ASAP1: variants seen among roughly 807,000 people sequenced by gnomAD.
ASAP1 encodes the protein arf-GAP with SH3 domain, ANK repeat and PH domain-containing protein 1.
ASAP1 carries 43 observed loss-of-function variants against 145.2 expected under a neutral mutation model. That is an observed-to-expected ratio of 0.30 (90% CI 0.23 to 0.38). The LOEUF (loss-of-function observed/expected upper bound fraction) is 0.38. Among genes scored for constraint, ASAP1 ranks in the 10% least tolerant of loss-of-function variants. The probability of loss-of-function intolerance (pLI) is 1.00; values close to 1 mark genes in which losing one functional copy is unlikely to be tolerated. For missense variants in ASAP1, 1,018 were observed against 1,355.3 expected (o/e 0.75, Z 3.91); for synonymous variants, 546 against 515.5 (o/e 1.06, Z -0.80).
At chr8:130,301,801 ATTG>A (rs1822686658) in intron 3 of ASAP1, among the ~76,000 whole-genome samples, 1 of 152,052 alleles carries the variant, frequency 6.6e-6, no homozygotes, top group Admixed American at 6.5e-5. Flanking sequence ...ATGCATATGC[ATTG>A]TTGTTGAGAG....
At chr8:130,089,020 T>TG (rs2097499953) in intron 25 of ASAP1, among the ~76,000 whole-genome samples, 1 of 152,214 alleles carries the variant, frequency 6.6e-6, no homozygotes, top group Non-Finnish European at 1.5e-5. Context: ...CACTTTGCTC[T>TG]GCTGAGAGAA....
At chr8:130,200,502 C>T (rs977829156) in intron 5 of ASAP1, among the ~76,000 whole-genome samples, 3 of 151,962 alleles carry the variant, frequency 2.0e-5, no homozygotes, top group Non-Finnish European at 2.9e-5. Context: ...AAAATGTTAT[C>T]GGTGGAAAAC....
chr8:130,357,927 C>T (rs1826435054), intron 3 of ASAP1, 90 bp downstream of exon 3: 4 of 1,486,172 alleles, frequency 2.7e-6, no homozygotes, highest in Non-Finnish European at 3.6e-6. Flanking sequence ...CCGGCCCCCG[C>T]GTCCCCTTCC....
chr8:130,160,687 G>T, intron 11 of ASAP1: 3 of 794,518 alleles, frequency 3.8e-6, no homozygotes, highest in South Asian at 1.7e-5. Context: ...TTACGAAAAT[G>T]TAAGAAATAA....
chr8:130,236,716 C>A (rs1032301857), intron 4 of ASAP1, among the ~76,000 whole-genome samples: 4 of 152,104 alleles, frequency 2.6e-5, no homozygotes, highest in Non-Finnish European at 5.9e-5. Context: ...TCCACTGTGA[C>A]TAATGCTTTT....
chr8:130,075,409 T>A (rs1473800835), intron 27 of ASAP1, among the ~76,000 whole-genome samples: 1 of 152,126 alleles, frequency 6.6e-6, no homozygotes, highest in Non-Finnish European at 1.5e-5. Context: ...AGTGGTGAAT[T>A]TCAGCTTCCC....
intron 2 of ASAP1, among the ~76,000 whole-genome samples, chr8:130,376,903 CAAAAA>C (rs34006260): frequency 8.5e-4 from 22 of 26,014 alleles, no homozygotes; most frequent in South Asian, 2.1e-3. Context: ...AACTCCATCT[CAAAAA>C]AAAAAAAAAA....
chr8:130,401,772 G>T, intron 2 of ASAP1, 113 bp downstream of exon 2: 2 of 967,310 alleles, frequency 2.1e-6, no homozygotes, highest in Admixed American at 2.0e-5. Flanking sequence ...CACAGTCTCT[G>T]TTAGATTCCA....
At chr8:130,253,401 G>C (rs1172469360) in intron 3 of ASAP1, among the ~76,000 whole-genome samples, 1 of 152,178 alleles carries the variant, frequency 6.6e-6, no homozygotes, top group African/African-American at 2.4e-5. Context: ...GCTAGAATTT[G>C]CAGATGCATA....
At position 130,261,980 on chromosome 8, in the gene ASAP1, C is replaced by T. The variant is rs182181283; in HGVS notation, c.187-24986G>A. Among the ~76,000 whole-genome samples, 6 of 152,076 alleles carry T rather than the reference C, an allele frequency of 3.9e-5. No individual in the cohort carries two copies. The East Asian group carries it at 1.2e-3, about 29-fold the overall frequency. ...GGTAAACAGGTATAAAACTTAACTG[C>T]TAGACAATATATAAATATATGGAGA... On this transcript the variant is annotated intron_variant, in intron 3 of 29. Transcript: ENST00000518721.
At chr8:130,333,303 A>C (rs1210680559) in intron 3 of ASAP1, among the ~76,000 whole-genome samples, 1 of 152,192 alleles carries the variant, frequency 6.6e-6, no homozygotes, top group Non-Finnish European at 1.5e-5. Flanking sequence ...TTATTTCTAT[A>C]GTAAAAAGGC....
intron 5 of ASAP1, among the ~76,000 whole-genome samples, chr8:130,201,612 G>A (rs1815875149): frequency 6.6e-6 from 1 of 152,170 alleles, no homozygotes; most frequent in Non-Finnish European, 1.5e-5. Flanking sequence ...ATATGGAAAG[G>A]GGAAGTAGCT....
chr8:130,360,974 C>T (rs1406314622), intron 2 of ASAP1: 1 of 152,978 alleles, frequency 6.5e-6, no homozygotes, highest in African/African-American at 2.4e-5. Context: ...CTCTGAGACT[C>T]AGTTACCCCA....
At chr8:130,371,917 T>G (rs1434033328) in intron 2 of ASAP1, among the ~76,000 whole-genome samples, 1 of 152,228 alleles carries the variant, frequency 6.6e-6, no homozygotes, top group Non-Finnish European at 1.5e-5. Flanking sequence ...ATGAAAATGC[T>G]GAACCAACTA....
chr8:130,068,878 G>A lies in ASAP1; in HGVS notation c.2701+7470C>T, dbSNP rs930098239. Among the ~76,000 whole-genome samples the A allele has an allele frequency of 2.6e-4, 39 of 152,314 alleles. 1 individual carries two copies. Among genetic ancestry groups the A allele is most frequent in the Admixed American group, 2.4e-3 (37 of 15,302 alleles). On this transcript the variant is annotated intron_variant, in intron 27 of 29. Transcript: ENST00000518721. ...AGTCATGGTAAATGTGTGGTTAAGA[G>A]GGCCCCTTCTACATGGGCACCCCAT...
intron 27 of ASAP1, among the ~76,000 whole-genome samples, chr8:130,063,979 G>A (rs902223996): frequency 1.3e-5 from 2 of 152,142 alleles, no homozygotes; most frequent in African/African-American, 4.8e-5. Context: ...TGGGGAGGAG[G>A]AGAGTGACCA....
Position 130,247,533 on chromosome 8 carries a change from A to C in ASAP1, c.187-10539T>G, listed in dbSNP as rs976846717. ...CAAAAGATGGAGGACCCTTAAAAAAAAACAACAACAAGGATTCAGTCATCA... is the reference window on the plus strand; with the variant it reads ...CAAAAGATGGAGGACCCTTAAAAAACAACAACAACAAGGATTCAGTCATCA... On this transcript the variant is annotated intron_variant, in intron 3 of 29. Coordinates refer to ENST00000518721, the MANE Select transcript of ASAP1 (RefSeq NM_018482.4). Among the ~76,000 whole-genome samples, 4 of 152,056 alleles carry C rather than the reference A, an allele frequency of 2.6e-5. 1 individual carries two copies. The highest frequency in any genetic ancestry group is 4.1e-4 in the South Asian group (2 of 4,820).
At chr8:130,424,509 C>G (rs72726219) in intron 1 of ASAP1, among the ~76,000 whole-genome samples, 12,922 of 152,234 alleles carry the variant, frequency 0.085, 639 homozygotes, top group African/African-American at 0.13. Flanking sequence ...GTAGGCTCAG[C>G]GTTTGTTTTT....
chr8:130,260,526 T>C (rs1819829437), intron 3 of ASAP1, among the ~76,000 whole-genome samples: 1 of 152,250 alleles, frequency 6.6e-6, no homozygotes, highest in Admixed American at 6.5e-5. Flanking sequence ...ATGACTTGCC[T>C]AAGTTCACAT....
Sources: gnomAD v4.1 joint callset for allele counts (sites outside exome capture counted in the v4.1 genomes callset) on GRCh38, gnomAD v4.1.1 for gene constraint, MANE v1.5 for transcripts, NCBI Gene and HGNC (gene_info 2026-07-23, HGNC 2026-07-21) for gene names.